The following RNF8 variants were observed in gnomAD, a reference collection of about 807,000 sequenced individuals.
The protein encoded by RNF8 is E3 ubiquitin-protein ligase RNF8.
A neutral mutation model predicts 59.3 loss-of-function variants in RNF8; 8 were observed. The ratio of observed to expected loss-of-function variants is 0.13; its 90% CI spans 0.08 to 0.24. RNF8 has a LOEUF of 0.24. Ranked by LOEUF, RNF8 falls within the 10% of genes least tolerant of loss-of-function variation. RNF8 has a pLI of 1.00. For synonymous variants in RNF8, 162 were observed against 200.0 expected, an observed-to-expected ratio of 0.81 and a Z score of 1.60; for missense variants, 406 against 572.6, an observed-to-expected ratio of 0.71 and a Z score of 2.97.
rs755209842 is a variant in RNF8 at position 37,360,611 on chromosome 6, GT to G, written c.240+42del. The G allele has an allele frequency of 5.4e-6, 8 of 1,483,138 alleles. No individual in the cohort carries two copies. In the African/African-American group the frequency reaches 1.1e-4, roughly 20 times the overall value. 91.9% of individuals were successfully genotyped at this position (1,483,138 alleles called of 1,614,324 possible). ...CACAGAAGCCTAATGACTTTTATTT[GT>G]TTTTAAATTACTTTTTTTTTTTTTT... is the stretch of plus-strand genomic sequence containing the variant. On this transcript the variant is annotated intron_variant, in intron 2 of 7. Coordinates refer to ENST00000373479, the MANE Select transcript of RNF8 (RefSeq NM_003958.4). The surrounding 1 kb of genome is among the most constrained non-coding windows in gnomAD (Gnocchi z 4.2).
chr6:37,390,641 C>A, intron 7 of RNF8, 101 bp from the exon 8 acceptor site: 1 of 794,364 alleles, frequency 1.3e-6, no homozygotes, highest in East Asian at 2.5e-5. Context: ...GCTATGGCTG[C>A]TGTGTGAGGA....
chr6:37,371,422 A>C, intron 3 of RNF8, 90 bp from the exon 4 acceptor site: 4 of 1,022,192 alleles, frequency 3.9e-6, no homozygotes, highest in Non-Finnish European at 5.9e-6. Context: ...AGATGCTCAT[A>C]CTAGCTGGTC....
chr6:37,388,061 G>C (rs1038287171), intron 7 of RNF8, among the ~76,000 whole-genome samples: 1 of 152,156 alleles, frequency 6.6e-6, no homozygotes, highest in Non-Finnish European at 1.5e-5. Flanking sequence ...TGTTTTTCTG[G>C]ATAGGTTAGT....
Position 37,381,328 on chromosome 6 carries a change from G to A in RNF8, c.1415G>A (p.Arg472Gln), listed in dbSNP as rs1257283362. The change falls in exon 7 of 8, where the codon CGA (arginine) becomes CAA (glutamine). Residue 472 changes from arginine to glutamine, a missense_variant. This residue lies in a region of RNF8 where 59 missense variants were observed against 118.5 expected (regional missense o/e 0.50). Coordinates refer to ENST00000373479, the MANE Select transcript of RNF8 (RefSeq NM_003958.4). ...NNLSSEVKER[R>Q]IVLIRERKAK... is the part of the protein sequence containing the mutation. Reference sequence around the variant, plus strand: ...CTGAGCTCAGAAGTGAAAGAACGACGAATTGTTCTCATTAGGGAACGAAAA... The same window carrying A: ...CTGAGCTCAGAAGTGAAAGAACGACAAATTGTTCTCATTAGGGAACGAAAA... 1.9e-6 allele frequency: 3 copies of A among 1,614,156 alleles called. No homozygotes were observed. The highest frequency in any genetic ancestry group is 1.7e-5 in the Admixed American group (1 of 60,010).
chr6:37,369,485 C>T (rs1191598223), intron 3 of RNF8, among the ~76,000 whole-genome samples: 1 of 152,234 alleles, frequency 6.6e-6, no homozygotes, highest in Admixed American at 6.5e-5. Context: ...GGGCATAACT[C>T]ATCCCAGGAG....
intron 6 of RNF8, among the ~76,000 whole-genome samples, chr6:37,379,268 G>T (rs1019285495): frequency 6.6e-6 from 1 of 152,030 alleles, no homozygotes; most frequent in Admixed American, 6.6e-5. Flanking sequence ...TGCCTGCCTC[G>T]GCCTCCCAAA....
chr6:37,379,946 C>T (rs1391845617), intron 6 of RNF8, among the ~76,000 whole-genome samples: 1 of 152,090 alleles, frequency 6.6e-6, no homozygotes, highest in Non-Finnish European at 1.5e-5. Flanking sequence ...CAGTGTCTCA[C>T]TCTGTCGCCC....
At position 37,390,660 on chromosome 6, in the gene RNF8, G is replaced by T. The variant is rs996068430; in HGVS notation, c.1442-82G>T. 3.1e-6 allele frequency: 3 copies of T among 973,364 alleles called. No homozygotes were observed. The Admixed American group carries it at 5.4e-5, about 18-fold the overall frequency. The allele number at this position is 973,364 out of a possible 1,614,324, so 60.3% of individuals were successfully genotyped here. On this transcript the variant is annotated intron_variant, in intron 7 of 7. Transcript: ENST00000373479. The stretch of plus-strand genomic sequence containing the variant: ...TGGCTGCTGTGTGAGGAAGAGACAG[G>T]GTGGCGAGGCTGGAAGCAGGGAGTC...
intron 2 of RNF8, chr6:37,361,320 G>T (rs993556045): frequency 6.6e-6 from 3 of 455,080 alleles, no homozygotes; most frequent in African/African-American, 6.0e-5. Context: ...CATCAATATG[G>T]TGTCCTCCTG....
chr6:37,385,163 G>A (rs1311947500), intron 7 of RNF8, among the ~76,000 whole-genome samples: 2 of 151,754 alleles, frequency 1.3e-5, no homozygotes, highest in South Asian at 4.2e-4. Context: ...ACAAGCATGT[G>A]CCATCATGCC....
intron 7 of RNF8, among the ~76,000 whole-genome samples, chr6:37,381,866 G>T (rs960340917): frequency 6.6e-6 from 1 of 152,226 alleles, no homozygotes. Context: ...TGAGCAGGAC[G>T]TGTGTCTGAG....
intron 2 of RNF8, among the ~76,000 whole-genome samples, chr6:37,365,597 T>C (rs1769520796): frequency 6.6e-6 from 1 of 152,208 alleles, no homozygotes; most frequent in Admixed American, 6.5e-5. Flanking sequence ...AGTGTCCACT[T>C]TCCTCAATAA....
At chr6:37,356,260 CCT>C (rs1204034082) in intron 1 of RNF8, among the ~76,000 whole-genome samples, 1 of 152,150 alleles carries the variant, frequency 6.6e-6, no homozygotes, top group Non-Finnish European at 1.5e-5. Flanking sequence ...GGCTTGGCTG[CCT>C]GCAAGGTCAG....
chr6:37,382,358 G>C (rs930155323), intron 7 of RNF8, among the ~76,000 whole-genome samples: 1 of 152,180 alleles, frequency 6.6e-6, no homozygotes, highest in African/African-American at 2.4e-5. Context: ...TTTCTAAGGA[G>C]AGGCAGTAGC....
chr6:37,375,253 C>T (rs979125019), intron 5 of RNF8, among the ~76,000 whole-genome samples: 1 of 152,148 alleles, frequency 6.6e-6, no homozygotes, highest in African/African-American at 2.4e-5. Flanking sequence ...CACCCCCATC[C>T]CAGGAGGCAA....
chr6:37,378,642 G>T (rs1770124095), intron 6 of RNF8, among the ~76,000 whole-genome samples: 2 of 149,862 alleles, frequency 1.3e-5, no homozygotes, highest in South Asian at 4.2e-4. Flanking sequence ...TATACACACA[G>T]CTTTCTTTTC....
rs926871962 is a variant in RNF8, at chr6:37,394,008, ATGGGG to A, written c.*3253_*3257del. Reference sequence around the variant, plus strand: ...TCGTATCTAAGGATAACCCAGAAACATGGGGTGTCCTAGGTATGTTTATCTCGACA... The same window carrying A: ...TCGTATCTAAGGATAACCCAGAAACATGTCCTAGGTATGTTTATCTCGACA... On this transcript the variant is annotated 3_prime_UTR_variant, in exon 8 of 8. Coordinates refer to ENST00000373479, the MANE Select transcript of RNF8 (RefSeq NM_003958.4). 1 of 152,156 alleles carries A rather than the reference ATGGGG, an allele frequency of 6.6e-6. No individual in the cohort carries two copies. Among genetic ancestry groups the A allele is most frequent in the Non-Finnish European group, 1.5e-5 (1 of 68,024 alleles). The allele number at this position is 152,156 out of a possible 1,614,324, so 9.4% of individuals were successfully genotyped here.
At chr6:37,387,486 G>A (rs939610925) in intron 7 of RNF8, among the ~76,000 whole-genome samples, 15 of 151,992 alleles carry the variant, frequency 9.9e-5, no homozygotes, top group South Asian at 2.1e-4. Flanking sequence ...GGCTACAGGC[G>A]TGCGCCACCA....
Position 37,361,781 on chromosome 6 carries a change from C to T in RNF8, c.240+1207C>T, listed in dbSNP as rs576061640. Among the ~76,000 whole-genome samples the T allele has an allele frequency of 3.9e-4, 60 of 152,290 alleles. 1 individual carries two copies. The highest frequency in any genetic ancestry group is 1.6e-3 in the Admixed American group (24 of 15,304). On this transcript the variant is annotated intron_variant, in intron 2 of 7. Coordinates refer to ENST00000373479, the MANE Select transcript of RNF8 (RefSeq NM_003958.4). ...GCTCTAGAATTAAGTTGAGTTGGCACTGTATTGAAGGAGACAGTACATAAA... is the reference window on the plus strand; with the variant it reads ...GCTCTAGAATTAAGTTGAGTTGGCATTGTATTGAAGGAGACAGTACATAAA...
Sources: allele counts gnomAD v4.1 joint callset (sites outside exome capture counted in the v4.1 genomes callset), GRCh38; gene constraint gnomAD v4.1.1; regional missense constraint gnomAD v4.1.1; non-coding constraint Gnocchi (gnomAD v3.1); transcripts MANE v1.5; gene names NCBI Gene and HGNC (gene_info 2026-07-23, HGNC 2026-07-21).